Variants in SYTL2 observed in about 807,000 individuals in gnomAD.
SYTL2 encodes the protein synaptotagmin like 2, also known as synaptotagmin-like protein 2.
In SYTL2, 165 loss-of-function variants were observed where a neutral mutation model predicts 198.7. That is an observed-to-expected ratio of 0.83 (90% CI 0.73 to 0.94). The LOEUF (loss-of-function observed/expected upper bound fraction) is 0.94, where lower values mean the gene tolerates loss of function less well. Ranked by LOEUF, SYTL2 falls within the 40% of genes least tolerant of loss-of-function variation. The pLI, the probability that SYTL2 is intolerant of heterozygous loss-of-function variation, is 0.00. For synonymous variants in SYTL2, 966 were observed against 917.7 expected (o/e 1.05, Z -0.95); for missense variants, 2,835 against 2,582.8 (o/e 1.10, Z -2.12).
chr11:85,761,229 T>C (rs1255417729), intron 1 of SYTL2, among the ~76,000 whole-genome samples: 3 of 152,104 alleles, frequency 2.0e-5, no homozygotes, highest in Non-Finnish European at 2.9e-5. Context: ...ATGAGAACTA[T>C]GGAGGAAAAC....
chr11:85,824,844 C>T, the SYTL2 span, among the ~76,000 whole-genome samples: 1 of 152,100 alleles, frequency 6.6e-6, no homozygotes, highest in Non-Finnish European at 1.5e-5. Flanking sequence ...ATTTATCCTG[C>T]GAAGACGACT....
At chr11:85,721,749 A>C (rs1029648761) in intron 8 of SYTL2, among the ~76,000 whole-genome samples, 2 of 152,198 alleles carry the variant, frequency 1.3e-5, no homozygotes, top group Non-Finnish European at 2.9e-5. Context: ...AATTTCCTGA[A>C]ATACATTCCA....
chr11:85,721,231 C>T (rs2088268622), intron 8 of SYTL2, among the ~76,000 whole-genome samples: 1 of 152,110 alleles, frequency 6.6e-6, no homozygotes, highest in African/African-American at 2.4e-5. Flanking sequence ...GTTGTTTACT[C>T]CTATTTTAGA....
chr11:85,729,297 G>A (rs547337015), intron 7 of SYTL2, among the ~76,000 whole-genome samples: 2 of 152,266 alleles, frequency 1.3e-5, no homozygotes, highest in East Asian at 3.9e-4. Context: ...GTTCTTCTCA[G>A]CACCACATCG....
intron 2 of SYTL2, among the ~76,000 whole-genome samples, chr11:85,750,473 C>T (rs1441796208): frequency 3.9e-5 from 6 of 152,180 alleles, no homozygotes; most frequent in African/African-American, 1.4e-4. Context: ...TACAGTTTCT[C>T]CTTTTCCATT....
chr11:85,764,619 T>A (rs1382073920), intron 1 of SYTL2, among the ~76,000 whole-genome samples: 1 of 152,244 alleles, frequency 6.6e-6, no homozygotes, highest in East Asian at 1.9e-4. Flanking sequence ...TGTTTCTCCC[T>A]CTGTACATTT....
At chr11:85,827,546 C>T in the SYTL2 span, among the ~76,000 whole-genome samples, 1 of 152,220 alleles carries the variant, frequency 6.6e-6, no homozygotes, top group Non-Finnish European at 1.5e-5. Flanking sequence ...TGTCTCCCCA[C>T]CCCTAATTCC....
At position 85,708,837 on chromosome 11, in the gene SYTL2, A is replaced by ATTTTTT. The variant is rs72460497; in HGVS notation, c.5915+488_5915+493dup. ...TTGAAACATTTTGTGCTTCTCTGTGATTTTTTTTTTTTTTTTTTTTTTTTT... is the reference window on the plus strand; with the variant it reads ...TTGAAACATTTTGTGCTTCTCTGTGATTTTTTTTTTTTTTTTTTTTTTTTTTTTTTT... On this transcript the variant is annotated intron_variant, in intron 14 of 19. Coordinates refer to ENST00000359152, the MANE Select transcript of SYTL2 (RefSeq NM_206927.4). 4.3e-4 allele frequency among the ~76,000 whole-genome samples: 31 copies of ATTTTTT among 71,592 alleles called. 10 individuals are homozygous for ATTTTTT. Among genetic ancestry groups the ATTTTTT allele is most frequent in the African/African-American group, 1.4e-3 (24 of 16,918 alleles). 47.0% of individuals were successfully genotyped at this position (71,592 alleles called of 152,430 possible).
At chr11:85,830,479 G>A in the SYTL2 span, among the ~76,000 whole-genome samples, 6 of 152,158 alleles carry the variant, frequency 3.9e-5, no homozygotes, top group Non-Finnish European at 2.9e-5. Context: ...AGCATGTGGT[G>A]TTTATGCTCC....
Position 85,695,222 on chromosome 11 carries a change from C to T in SYTL2, c.6693G>A (p.Met2231Ile). The T allele has an allele frequency of 6.2e-7, 1 of 1,612,062 alleles. No homozygotes were observed. Among genetic ancestry groups the T allele is most frequent in the Non-Finnish European group, 8.5e-7 (1 of 1,178,994 alleles). ...TWIEATLPLR[M>I]LLIAKISK is the part of the protein sequence containing the mutation. ...ATTTGGAAATCTTGGCAATCAAAAG[C>T]ATTCTGAGAGGCAGTGTTGCTTCAA... Residue 2231 changes from methionine (M) to isoleucine (I), a missense_variant, in exon 20 of 20, where the codon ATG (methionine) becomes ATA (isoleucine). Around this residue, in one of 3 missense-constraint regions of SYTL2, gnomAD observed 185 missense variants for 182.1 expected, o/e 1.02. Coordinates refer to ENST00000359152, the MANE Select transcript of SYTL2 (RefSeq NM_206927.4).
intron 2 of SYTL2, among the ~76,000 whole-genome samples, chr11:85,750,229 T>C (rs1591889079): frequency 1.3e-5 from 2 of 152,184 alleles, no homozygotes; most frequent in South Asian, 2.1e-4. Flanking sequence ...AGTCTCCTTG[T>C]TTTTAAGGAT....
intron 1 of SYTL2, among the ~76,000 whole-genome samples, chr11:85,772,984 G>A (rs1666055368): frequency 6.6e-6 from 1 of 152,200 alleles, no homozygotes; most frequent in African/African-American, 2.4e-5. Flanking sequence ...TTGGCCAAAT[G>A]TTCCTATGAG....
chr11:85,825,177 A>G, the SYTL2 span, among the ~76,000 whole-genome samples: 3,402 of 152,190 alleles, frequency 0.022, 107 homozygotes, highest in African/African-American at 0.076. Context: ...TCACGAGGTC[A>G]GGAGATCGAG....
At chr11:85,819,169 T>G in the SYTL2 span, among the ~76,000 whole-genome samples, 48 of 152,368 alleles carry the variant, frequency 3.2e-4, no homozygotes, top group African/African-American at 1.1e-3. Context: ...TATAAAATAC[T>G]AGTAGCTTTT....
rs117893068 is a variant in SYTL2 at position 85,709,233 on chromosome 11, T to C, written c.5915+98A>G. The C allele has an allele frequency of 5.1e-6, 6 of 1,185,598 alleles. No individual in the cohort carries two copies. In the African/African-American group the frequency reaches 7.6e-5, roughly 15 times the overall value. The allele number at this position is 1,185,598 out of a possible 1,614,324, so 73.4% of individuals were successfully genotyped here. On this transcript the variant is annotated intron_variant, in intron 14 of 19. Coordinates refer to ENST00000359152, the MANE Select transcript of SYTL2 (RefSeq NM_206927.4). ...CTTTTCAAACATTCCTCTTAACACA[T>C]ACCCTCCCTCCTCTTGATTACTTTA...
At position 85,726,265 on chromosome 11, in the gene SYTL2, T is replaced by C. The variant is rs766305047; in HGVS notation, c.3093A>G (p.Lys1031=). 13 of 1,613,726 alleles carry C rather than the reference T, an allele frequency of 8.1e-6. No individual in the cohort carries two copies. The highest frequency in any genetic ancestry group is 2.2e-5 in the East Asian group (1 of 44,880). The stretch of plus-strand genomic sequence containing the variant: ...GAAGCACCTCTGCTTCATGGGTATT[T>C]TTACCTGATAATTTAATGTCGCTGA... ...KEFSDIKLSG[K]NTHEAEVLLS... The change falls in exon 8 of 20, where the codon AAA becomes AAG. Residue 1031 remains lysine, a synonymous_variant. Transcript: ENST00000359152.
chr11:85,825,030 A>G, the SYTL2 span, among the ~76,000 whole-genome samples: 1 of 152,168 alleles, frequency 6.6e-6, no homozygotes, highest in Non-Finnish European at 1.5e-5. Flanking sequence ...GAGGCTGGAG[A>G]ATGAATGCTG....
At chr11:85,788,561 C>A (rs966383812) in intron 1 of SYTL2, among the ~76,000 whole-genome samples, 4 of 152,156 alleles carry the variant, frequency 2.6e-5, no homozygotes, top group Non-Finnish European at 4.4e-5. Context: ...AATCACATCA[C>A]CTTTAATAAT....
At chr11:85,844,174 C>A in the SYTL2 span, among the ~76,000 whole-genome samples, 1 of 152,202 alleles carries the variant, frequency 6.6e-6, no homozygotes, top group African/African-American at 2.4e-5. Context: ...CTAGCTGAAG[C>A]CTCTCAATTT....
Sources: allele counts gnomAD v4.1 joint callset (sites outside exome capture counted in the v4.1 genomes callset), GRCh38; gene constraint gnomAD v4.1.1; regional missense constraint gnomAD v4.1.1; transcripts MANE v1.5; gene names NCBI Gene and HGNC (gene_info 2026-07-23, HGNC 2026-07-21).